Variants in ARHGEF12 observed in about 807,000 individuals in gnomAD.
ARHGEF12 encodes the protein KMT2A/ARHGEF12 fusion protein.
ARHGEF12 carries 66 observed loss-of-function variants against 211.2 expected under a neutral mutation model. The ratio of observed to expected loss-of-function variants is 0.31; its 90% CI spans 0.26 to 0.38. ARHGEF12 has a LOEUF of 0.38. ARHGEF12 is among the 10% of genes least tolerant of loss of function. The pLI is 1.00. For missense variants in ARHGEF12, 1,429 were observed against 1,869.5 expected, an observed-to-expected ratio of 0.76 and a Z score of 4.34; for synonymous variants, 592 against 638.4, an observed-to-expected ratio of 0.93 and a Z score of 1.09.
chr11:120,336,575 A>T lies in ARHGEF12; in HGVS notation c.-669A>T, dbSNP rs1942355147. Among the ~76,000 whole-genome samples the T allele has an allele frequency of 6.6e-6, 1 of 152,004 alleles. No individual in the cohort carries two copies. The highest frequency in any genetic ancestry group is 6.5e-5 in the Admixed American group (1 of 15,292). ...GCGGAAGAGTCCGGGCCTCAAAGGGATGGGGAGCAGTCCGCGGCGCTGAGA... is the reference window on the plus strand; with the variant it reads ...GCGGAAGAGTCCGGGCCTCAAAGGGTTGGGGAGCAGTCCGCGGCGCTGAGA... On this transcript the variant is annotated 5_prime_UTR_variant, in exon 1 of 41. An upstream start codon of the reference 5' UTR is lost. Coordinates refer to ENST00000397843, the MANE Select transcript of ARHGEF12 (RefSeq NM_015313.3).
At chr11:120,477,744 T>C in intron 36 of ARHGEF12, 1 of 439,592 alleles carries the variant, frequency 2.3e-6, no homozygotes. Flanking sequence ...TAGGTGCCTG[T>C]AATCCCAGCT....
intron 39 of ARHGEF12, among the ~76,000 whole-genome samples, chr11:120,482,995 G>T (rs892174927): frequency 2.6e-5 from 4 of 152,188 alleles, no homozygotes; most frequent in Admixed American, 2.6e-4. Context: ...GGACAGGTCG[G>T]TTCTTATATA....
chr11:120,409,580 C>T, intron 4 of ARHGEF12, 130 bp downstream of exon 4: 1 of 890,194 alleles, frequency 1.1e-6, no homozygotes, highest in South Asian at 1.7e-5. Flanking sequence ...CTGTGCATGG[C>T]ATGATCTACT....
rs529509217 is a variant in ARHGEF12 at position 120,465,012 on chromosome 11, G to T, written c.2614-225G>T. 2.8e-4 allele frequency: 121 copies of T among 439,354 alleles called. No individual in the cohort carries two copies. The East Asian group carries it at 3.4e-3, about 12-fold the overall frequency. 27.2% of individuals were successfully genotyped at this position (439,354 alleles called of 1,614,324 possible). On this transcript the variant is annotated intron_variant, in intron 27 of 40. Transcript: ENST00000397843. ...CAGAGCAACACTGTCTCAAAAAAAA[G>T]AAAAAAAAAAGAAGAAGAAAACATT...
intron 2 of ARHGEF12, among the ~76,000 whole-genome samples, chr11:120,407,159 G>A (rs1224478733): frequency 6.6e-6 from 1 of 152,128 alleles, no homozygotes; most frequent in Non-Finnish European, 1.5e-5. Context: ...TTATGGTCTT[G>A]TCACCCAACC....
At chr11:120,380,966 CT>C (rs768058495) in intron 1 of ARHGEF12, among the ~76,000 whole-genome samples, 12 of 152,158 alleles carry the variant, frequency 7.9e-5, no homozygotes, top group Non-Finnish European at 1.6e-4. Flanking sequence ...TCATATGCCC[CT>C]ATCCTTTTGT....
chr11:120,414,131 A>G (rs1340243740), intron 4 of ARHGEF12, among the ~76,000 whole-genome samples: 1 of 152,198 alleles, frequency 6.6e-6, no homozygotes, highest in African/African-American at 2.4e-5. Flanking sequence ...TGATAAGGAA[A>G]TAAAAGAAAT....
At chr11:120,421,657 C>G in intron 5 of ARHGEF12, 146 bp from the exon 6 acceptor site, 1 of 677,352 alleles carries the variant, frequency 1.5e-6, no homozygotes, top group South Asian at 1.7e-5. Flanking sequence ...AGGATGGTCT[C>G]GATCTCTTGA....
At position 120,420,750 on chromosome 11, in the gene ARHGEF12, C is replaced by T; in HGVS notation, c.200-3C>T. 1 of 1,612,856 alleles carries T rather than the reference C, an allele frequency of 6.2e-7. No individual in the cohort carries two copies. Among genetic ancestry groups the T allele is most frequent in the South Asian group, 1.1e-5 (1 of 90,970 alleles). On this transcript the variant is annotated splice_region_variant and splice_polypyrimidine_tract_variant and intron_variant, in intron 4 of 40. Transcript: ENST00000397843. Reference sequence around the variant, plus strand: ...CTTGTTTTACACTGTGGTTCTTGTGCAGGTCTTGTTCAGCGTTGCGTAATC... The same window carrying T: ...CTTGTTTTACACTGTGGTTCTTGTGTAGGTCTTGTTCAGCGTTGCGTAATC...
chr11:120,469,969 A>G (rs1174245976), intron 30 of ARHGEF12, among the ~76,000 whole-genome samples: 1 of 152,206 alleles, frequency 6.6e-6, no homozygotes, highest in Non-Finnish European at 1.5e-5. Flanking sequence ...GGTAGAGGCA[A>G]TATATACCAA....
intron 1 of ARHGEF12, among the ~76,000 whole-genome samples, chr11:120,373,807 TTTTTTG>T (rs1453351889): frequency 2.0e-5 from 3 of 151,982 alleles, no homozygotes; most frequent in Non-Finnish European, 4.4e-5. Flanking sequence ...GAAAAATGGA[TTTTTTG>T]TTTTTGTTTT....
intron 1 of ARHGEF12, among the ~76,000 whole-genome samples, chr11:120,388,712 A>G (rs542355840): frequency 6.6e-6 from 1 of 152,306 alleles, no homozygotes; most frequent in African/African-American, 2.4e-5. Flanking sequence ...TCTGATGACT[A>G]AAAATGTTTA....
chr11:120,485,307 C>T lies in ARHGEF12; in HGVS notation c.*230C>T. 2.2e-6 allele frequency: 1 copy of T among 450,674 alleles called. No homozygotes were observed. The allele number at this position is 450,674 out of a possible 1,614,324, so 27.9% of individuals were successfully genotyped here. A position where few individuals can be genotyped will look rare whatever the true frequency, so the allele number is the denominator to read the frequency against. Reference sequence around the variant, plus strand: ...ATATCCATTCCCTCACTCTACTCTCCTCACTATCGGAAATTCATTTTGATT... The same window carrying T: ...ATATCCATTCCCTCACTCTACTCTCTTCACTATCGGAAATTCATTTTGATT... On this transcript the variant is annotated 3_prime_UTR_variant, in exon 41 of 41. Coordinates refer to ENST00000397843, the MANE Select transcript of ARHGEF12 (RefSeq NM_015313.3).
At chr11:120,407,194 A>G (rs897386540) in intron 2 of ARHGEF12, among the ~76,000 whole-genome samples, 3 of 152,204 alleles carry the variant, frequency 2.0e-5, no homozygotes, top group Non-Finnish European at 4.4e-5. Context: ...GTAATTGGCT[A>G]AGCCATAGAA....
chr11:120,407,598 G>A lies in ARHGEF12; in HGVS notation c.57-140G>A, dbSNP rs562449864. ...GTATAACCAAAACTTATTGAAAAATGTAAATTAGAGAGGCTTATGGTGCTG... is the reference window on the plus strand; with the variant it reads ...GTATAACCAAAACTTATTGAAAAATATAAATTAGAGAGGCTTATGGTGCTG... On this transcript the variant is annotated intron_variant, in intron 2 of 40. Transcript: ENST00000397843. 8 of 553,820 alleles carry A rather than the reference G, an allele frequency of 1.4e-5. No individual in the cohort carries two copies. In the East Asian group the frequency reaches 1.7e-4, roughly 12 times the overall value. 34.3% of individuals were successfully genotyped at this position (553,820 alleles called of 1,614,324 possible). A position where few individuals can be genotyped will look rare whatever the true frequency, so the allele number is the denominator to read the frequency against.
chr11:120,443,997 C>T (rs1398233294), intron 15 of ARHGEF12, among the ~76,000 whole-genome samples: 4 of 152,100 alleles, frequency 2.6e-5, no homozygotes, highest in Non-Finnish European at 4.4e-5. Context: ...TTCCTAGAAC[C>T]GGTACCCCAT....
rs758788862 is a variant in ARHGEF12 at position 120,481,394 on chromosome 11, C to T, written c.4372C>T (p.Pro1458Ser). The part of the protein sequence containing the change: ...VESTHQQQHS[P>S]QNTHSDGAIS... ...ATCCACCCACCAGCAGCAACATTCTCCTCAGAATACTCACTCCGATGGGGC... is the reference window on the plus strand; with the variant it reads ...ATCCACCCACCAGCAGCAACATTCTTCTCAGAATACTCACTCCGATGGGGC... Residue 1458 changes from proline (P) to serine (S), a missense_variant, in exon 39 of 41, where the codon CCT becomes TCT. Coordinates refer to ENST00000397843, the MANE Select transcript of ARHGEF12 (RefSeq NM_015313.3). 1.9e-6 allele frequency: 3 copies of T among 1,614,022 alleles called. No individual in the cohort carries two copies. The African/African-American group carries it at 4.0e-5, about 22-fold the overall frequency.
chr11:120,457,336 G>A, intron 23 of ARHGEF12, 86 bp downstream of exon 23: 1 of 1,478,356 alleles, frequency 6.8e-7, no homozygotes, highest in Non-Finnish European at 9.1e-7. Context: ...TAGCATTCTA[G>A]CACTGAAGCC....
chr11:120,345,496 G>A (rs997718138), intron 1 of ARHGEF12, among the ~76,000 whole-genome samples: 4 of 152,142 alleles, frequency 2.6e-5, no homozygotes, highest in Non-Finnish European at 5.9e-5. Context: ...GAGGTCAGGA[G>A]ATCAAGACCA....
Sources: allele counts gnomAD v4.1 joint callset (sites outside exome capture counted in the v4.1 genomes callset), GRCh38; gene constraint gnomAD v4.1.1; transcripts MANE v1.5; gene names NCBI Gene and HGNC (gene_info 2026-07-23, HGNC 2026-07-21).